PAG1: variants seen among roughly 807,000 people sequenced by gnomAD.
The protein encoded by PAG1 is phosphoprotein membrane anchor with glycosphingolipid microdomains 1.
Under a neutral mutation model 31.7 loss-of-function variants are expected in PAG1, and 23 were observed. The ratio of observed to expected loss-of-function variants is 0.73; its 90% CI spans 0.52 to 1.03. PAG1 has a LOEUF of 1.03. Among genes scored for constraint, PAG1 ranks in the 50% least tolerant of loss-of-function variants. The probability of loss-of-function intolerance (pLI) is 0.00; values close to 1 mark genes in which losing one functional copy is unlikely to be tolerated. For synonymous variants in PAG1, 214 were observed against 210.3 expected (o/e 1.02, Z -0.15); for missense variants, 473 against 540.7 (o/e 0.87, Z 1.24).
chr8:81,051,222 T>C (rs1426409926), intron 2 of PAG1, among the ~76,000 whole-genome samples: 2 of 152,202 alleles, frequency 1.3e-5, no homozygotes, highest in Admixed American at 6.5e-5. Flanking sequence ...ACTGGATTAG[T>C]GTCCCTGTTA....
chr8:81,025,796 A>T (rs1808266264), intron 3 of PAG1, among the ~76,000 whole-genome samples: 1 of 152,176 alleles, frequency 6.6e-6, no homozygotes, highest in African/African-American at 2.4e-5. Flanking sequence ...TGAATTCTAG[A>T]AGGACAGGGA....
chr8:80,985,888 G>A (rs1249582449), intron 6 of PAG1, among the ~76,000 whole-genome samples: 1 of 152,190 alleles, frequency 6.6e-6, no homozygotes, highest in Non-Finnish European at 1.5e-5. Flanking sequence ...TCAGCCATTA[G>A]CACAAAGGGA....
chr8:81,066,258 T>C (rs1809005146), intron 2 of PAG1, among the ~76,000 whole-genome samples: 1 of 152,228 alleles, frequency 6.6e-6, no homozygotes. Flanking sequence ...CAAAGTAGCA[T>C]AGAAAACAGA....
At chr8:80,993,056 G>A (rs1807585870) in intron 4 of PAG1, 47 bp downstream of exon 4, 11 of 1,537,902 alleles carry the variant, frequency 7.2e-6, no homozygotes, top group Non-Finnish European at 9.8e-6. Context: ...TCTGGGTACA[G>A]GGGATGTATT....
chr8:81,069,817 A>C (rs190176727), intron 2 of PAG1, among the ~76,000 whole-genome samples: 13 of 152,230 alleles, frequency 8.5e-5, no homozygotes, highest in Non-Finnish European at 1.8e-4. Context: ...AACTTCACAG[A>C]GGCTTTACAA....
At chr8:81,111,356 G>T (rs1475352496) in intron 1 of PAG1, among the ~76,000 whole-genome samples, 2 of 152,152 alleles carry the variant, frequency 1.3e-5, no homozygotes, top group Non-Finnish European at 2.9e-5. Context: ...TGCCCTAGGA[G>T]TACCTGTCCT....
rs187847876 is a variant in PAG1, at chr8:80,991,800, C to T, written c.126-270G>A. ...AACATACAAGTTCACAAGGAGAGGA[C>T]CGAGGCCTGGGCCTGCGTAGAAATT... is the stretch of plus-strand genomic sequence containing the variant. On this transcript the variant is annotated intron_variant, in intron 4 of 8. Coordinates refer to ENST00000220597, the MANE Select transcript of PAG1 (RefSeq NM_018440.4). Among the ~76,000 whole-genome samples, 200 of 152,102 alleles carry T rather than the reference C, an allele frequency of 1.3e-3. 1 individual carries two copies. The highest frequency in any genetic ancestry group is 0.013 in the Admixed American group (192 of 15,292).
chr8:81,049,880 T>C (rs2130870931), intron 2 of PAG1, among the ~76,000 whole-genome samples: 1 of 152,248 alleles, frequency 6.6e-6, no homozygotes, highest in South Asian at 2.1e-4. Flanking sequence ...CTCCCAGTAG[T>C]TAATCATACA....
At chr8:81,072,069 C>T (rs1248775461) in intron 1 of PAG1, among the ~76,000 whole-genome samples, 1 of 152,244 alleles carries the variant, frequency 6.6e-6, no homozygotes, top group African/African-American at 2.4e-5. Context: ...CCTTCAGCTA[C>T]ACTCACCAGC....
intron 1 of PAG1, among the ~76,000 whole-genome samples, chr8:81,109,291 T>C (rs1371822495): frequency 1.3e-5 from 2 of 152,228 alleles, no homozygotes; most frequent in Non-Finnish European, 2.9e-5. Context: ...CATGTATAAA[T>C]TGAGGATAAT....
intron 1 of PAG1, among the ~76,000 whole-genome samples, chr8:81,097,061 C>T (rs191191009): frequency 6.6e-6 from 1 of 152,226 alleles, no homozygotes; most frequent in Admixed American, 6.5e-5. Flanking sequence ...TCATTACCTA[C>T]AACAGACAGG....
At chr8:81,026,037 C>T (rs1309534947) in intron 3 of PAG1, among the ~76,000 whole-genome samples, 2 of 152,076 alleles carry the variant, frequency 1.3e-5, no homozygotes, top group South Asian at 2.1e-4. Flanking sequence ...GCTGTTTCTA[C>T]CCTTCCTTGG....
intron 1 of PAG1, among the ~76,000 whole-genome samples, chr8:81,092,324 C>T (rs1416458616): frequency 6.6e-6 from 1 of 152,060 alleles, no homozygotes; most frequent in Non-Finnish European, 1.5e-5. Flanking sequence ...GTCAAGGCTG[C>T]AGTGAGCTGT....
chr8:80,993,042 C>A, intron 4 of PAG1, 61 bp downstream of exon 4: 3 of 1,444,808 alleles, frequency 2.1e-6, no homozygotes, highest in Non-Finnish European at 1.9e-6. Flanking sequence ...TCCACAGAAA[C>A]TCTTCTGGGT....
intron 1 of PAG1, among the ~76,000 whole-genome samples, chr8:81,071,375 C>A (rs1007258709): frequency 6.6e-6 from 1 of 152,184 alleles, no homozygotes; most frequent in African/African-American, 2.4e-5. Flanking sequence ...CCACACACAA[C>A]GAAGAAAGGC....
At chr8:81,054,993 A>G (rs1006838337) in intron 2 of PAG1, among the ~76,000 whole-genome samples, 1 of 152,148 alleles carries the variant, frequency 6.6e-6, no homozygotes, top group African/African-American at 2.4e-5. Context: ...AGGCACATCA[A>G]TAGATTCAGG....
chr8:80,980,475 T>C lies in PAG1; in HGVS notation c.896A>G (p.Tyr299Cys). ...ETNKRFSSLS[Y>C]KSREEDPTLT... Reference sequence around the variant, plus strand: ...AGTGGGGTCTTCTTCCCGAGACTTGTATGACAATGAGCTAAATCTCTGTCA... The same window carrying C: ...AGTGGGGTCTTCTTCCCGAGACTTGCATGACAATGAGCTAAATCTCTGTCA... The change falls in exon 8 of 9, where the codon TAC (tyrosine) becomes TGC (cysteine). Residue 299 changes from tyrosine to cysteine, a missense_variant. Coordinates refer to ENST00000220597, the MANE Select transcript of PAG1 (RefSeq NM_018440.4). The C allele has an allele frequency of 1.9e-6, 3 of 1,606,194 alleles. No homozygotes were observed. Among genetic ancestry groups the C allele is most frequent in the Non-Finnish European group, 1.7e-6 (2 of 1,172,890 alleles).
In PAG1 at chr8:81,054,396, A is replaced by G. The variant is rs558300810; in HGVS notation, c.-175+15716T>C. ...CAGCTAACACGAGGCACAGGGTTCAAGAGTATATCAATATTTTCCTGTAAT... is the reference window on the plus strand; with the variant it reads ...CAGCTAACACGAGGCACAGGGTTCAGGAGTATATCAATATTTTCCTGTAAT... On this transcript the variant is annotated intron_variant, in intron 2 of 8. Coordinates refer to ENST00000220597, the MANE Select transcript of PAG1 (RefSeq NM_018440.4). Among the ~76,000 whole-genome samples the G allele has an allele frequency of 8.5e-5, 13 of 152,288 alleles. No individual in the cohort carries two copies. In the East Asian group the frequency reaches 2.5e-3, roughly 29 times the overall value.
At chr8:81,030,768 C>T (rs992601992) in intron 2 of PAG1, among the ~76,000 whole-genome samples, 1 of 152,228 alleles carries the variant, frequency 6.6e-6, no homozygotes, top group Non-Finnish European at 1.5e-5. Flanking sequence ...CTTCCTCCTG[C>T]CCCCTTCCTC....
Sources: gnomAD v4.1 joint callset for allele counts (sites outside exome capture counted in the v4.1 genomes callset) on GRCh38, gnomAD v4.1.1 for gene constraint, MANE v1.5 for transcripts, NCBI Gene and HGNC (gene_info 2026-07-23, HGNC 2026-07-21) for gene names.